STIMATE: variants seen among roughly 807,000 people sequenced by gnomAD.
The protein encoded by STIMATE is STIM activating enhancer, also known as store-operated calcium entry regulator STIMATE.
Under a neutral mutation model 36.7 loss-of-function variants are expected in STIMATE, and 15 were observed. The observed-to-expected ratio is 0.41, with a 90% confidence interval of 0.27 to 0.63. The LOEUF (loss-of-function observed/expected upper bound fraction) is 0.63. STIMATE is among the 20% of genes least tolerant of loss of function. The probability of loss-of-function intolerance (pLI) is 0.32; values close to 1 mark genes in which losing one functional copy is unlikely to be tolerated. For missense variants in STIMATE, 305 were observed against 397.3 expected (o/e 0.77, Z 1.98); for synonymous variants, 163 against 162.3 (o/e 1.00, Z -0.03).
At position 52,849,748 on chromosome 3, in the gene STIMATE, C is replaced by G. The variant is rs1187610485; in HGVS notation, c.427+44G>C. ...CGCATGGGGCAAGGAGCAGAGACCT[C>G]CAGCAGTTCCCTCACGCCCTGTCCG... On this transcript the variant is annotated intron_variant, in intron 4 of 7. Coordinates refer to ENST00000355083, the MANE Select transcript of STIMATE (RefSeq NM_198563.5). The G allele has an allele frequency of 5.0e-6, 8 of 1,588,124 alleles. No homozygotes were observed. In the South Asian group the frequency reaches 7.8e-5, roughly 16 times the overall value.
chr3:52,877,159 C>T (rs1701513952), intron 1 of STIMATE, among the ~76,000 whole-genome samples: 1 of 152,256 alleles, frequency 6.6e-6, no homozygotes, highest in African/African-American at 2.4e-5. Context: ...CTCTTTAACA[C>T]AGCTCACGCT....
intron 1 of STIMATE, among the ~76,000 whole-genome samples, chr3:52,885,456 G>A (rs1474702116): frequency 6.6e-6 from 1 of 152,162 alleles, no homozygotes; most frequent in Non-Finnish European, 1.5e-5. Context: ...AAGGCATGAT[G>A]ACTCTTTTGA....
At chr3:52,869,809 C>T (rs909942342) in intron 1 of STIMATE, among the ~76,000 whole-genome samples, 2 of 152,216 alleles carry the variant, frequency 1.3e-5, no homozygotes, top group Non-Finnish European at 2.9e-5. Context: ...CGAGTATGAG[C>T]TCTGGGTTCA....
chr3:52,897,481 CAGGGCCCG>C lies in STIMATE; in HGVS notation c.-39_-32del. 4 of 1,220,234 alleles carry C rather than the reference CAGGGCCCG, an allele frequency of 3.3e-6. No homozygotes were observed. The highest frequency in any genetic ancestry group is 4.1e-6 in the Non-Finnish European group (4 of 981,466). The allele number at this position is 1,220,234 out of a possible 1,614,324, so 75.6% of individuals were successfully genotyped here. On this transcript the variant is annotated 5_prime_UTR_variant, in exon 1 of 8. Transcript: ENST00000355083. The stretch of plus-strand genomic sequence containing the variant: ...GCCTCGCGGGAGGGGCGCGAGGGCC[CAGGGCCCG>C]CCCGGCCTCGCTGCCTGCCGGCGCA...
At chr3:52,890,489 T>C (rs1253974233) in intron 1 of STIMATE, among the ~76,000 whole-genome samples, 1 of 152,254 alleles carries the variant, frequency 6.6e-6, no homozygotes, top group Non-Finnish European at 1.5e-5. Flanking sequence ...TGAGAGATTC[T>C]ACTGGCATTT....
At chr3:52,846,361 T>C (rs1019655109) in intron 4 of STIMATE, 6 of 152,238 alleles carry the variant, frequency 3.9e-5, no homozygotes, top group African/African-American at 1.4e-4. Flanking sequence ...TCGAGAACAG[T>C]TCTCAAAACA....
intron 4 of STIMATE, among the ~76,000 whole-genome samples, chr3:52,849,276 T>C (rs1700958034): frequency 6.6e-6 from 1 of 152,166 alleles, no homozygotes; most frequent in Admixed American, 6.5e-5. Flanking sequence ...CAGAGGGCAG[T>C]GAGGGCCTGA....
chr3:52,840,360 G>A lies in STIMATE; in HGVS notation c.*134C>T, dbSNP rs1159441867. 1 of 1,047,886 alleles carries A rather than the reference G, an allele frequency of 9.5e-7. No individual in the cohort carries two copies. Among genetic ancestry groups the A allele is most frequent in the Non-Finnish European group, 1.4e-6 (1 of 725,012 alleles). The allele number at this position is 1,047,886 out of a possible 1,614,324, so 64.9% of individuals were successfully genotyped here. A position where few individuals can be genotyped will look rare whatever the true frequency, so the allele number is the denominator to read the frequency against. ...GTCACAGTAGTCTGGGGGCAGGCGA[G>A]AGCGGGCAGAGACAGCAAGAGGAGC... On this transcript the variant is annotated 3_prime_UTR_variant, in exon 8 of 8. Coordinates refer to ENST00000355083, the MANE Select transcript of STIMATE (RefSeq NM_198563.5).
chr3:52,857,391 T>TGC (rs1361119050), intron 1 of STIMATE, among the ~76,000 whole-genome samples: 1 of 152,130 alleles, frequency 6.6e-6, no homozygotes, highest in African/African-American at 2.4e-5. Flanking sequence ...CCCTTAAGCA[T>TGC]GCCAGGTCTC....
chr3:52,879,030 G>A (rs1701559365), intron 1 of STIMATE, among the ~76,000 whole-genome samples: 1 of 152,180 alleles, frequency 6.6e-6, no homozygotes, highest in East Asian at 1.9e-4. Flanking sequence ...CTTTACCTTA[G>A]AATTTTATTG....
At chr3:52,846,957 G>A (rs1700918485) in intron 4 of STIMATE, among the ~76,000 whole-genome samples, 2 of 152,168 alleles carry the variant, frequency 1.3e-5, no homozygotes, top group Admixed American at 6.5e-5. Context: ...AGACTAGAGT[G>A]CAGGGGCATG....
chr3:52,876,926 C>G (rs1701511000), intron 1 of STIMATE, among the ~76,000 whole-genome samples: 1 of 152,178 alleles, frequency 6.6e-6, no homozygotes, highest in African/African-American at 2.4e-5. Flanking sequence ...GGTGGAAAAA[C>G]AATTCAAGAA....
intron 1 of STIMATE, among the ~76,000 whole-genome samples, chr3:52,881,478 G>A (rs1701604193): frequency 6.6e-6 from 1 of 152,092 alleles, no homozygotes; most frequent in African/African-American, 2.4e-5. Context: ...GCCAAGGCGG[G>A]CGGATCATGA....
Position 52,839,066 on chromosome 3 carries a change from C to T in STIMATE, c.*1428G>A, listed in dbSNP as rs1700753925. 6.6e-6 allele frequency: 1 copy of T among 152,182 alleles called. No homozygotes were observed. The highest frequency in any genetic ancestry group is 2.4e-5 in the African/African-American group (1 of 41,440). 9.4% of individuals were successfully genotyped at this position (152,182 alleles called of 1,614,324 possible). A position where few individuals can be genotyped will look rare whatever the true frequency, so the allele number is the denominator to read the frequency against. On this transcript the variant is annotated 3_prime_UTR_variant, in exon 8 of 8. Coordinates refer to ENST00000355083, the MANE Select transcript of STIMATE (RefSeq NM_198563.5). ...GGCTGGGGTCAGCCCATTCCACAGTCACTCAGCAAACTCCCAAAACCACAG... is the reference window on the plus strand; with the variant it reads ...GGCTGGGGTCAGCCCATTCCACAGTTACTCAGCAAACTCCCAAAACCACAG...
chr3:52,851,504 TC>T (rs1432027868), intron 3 of STIMATE, among the ~76,000 whole-genome samples: 4 of 152,322 alleles, frequency 2.6e-5, no homozygotes, highest in East Asian at 1.9e-4. Flanking sequence ...CTAGGGTAGG[TC>T]AGCAGGAAAA....
At chr3:52,842,478 T>C (rs1480258898) in intron 7 of STIMATE, among the ~76,000 whole-genome samples, 1 of 152,220 alleles carries the variant, frequency 6.6e-6, no homozygotes, top group Non-Finnish European at 1.5e-5. Context: ...GATCAACCAT[T>C]AGGCCCATGA....
chr3:52,885,189 A>C (rs1701670536), intron 1 of STIMATE, among the ~76,000 whole-genome samples: 2 of 152,098 alleles, frequency 1.3e-5, no homozygotes, highest in African/African-American at 4.8e-5. Flanking sequence ...GCATCTTTTC[A>C]TGTGCTCATT....
chr3:52,893,593 C>A (rs1412953161), intron 1 of STIMATE, among the ~76,000 whole-genome samples: 1 of 152,140 alleles, frequency 6.6e-6, no homozygotes, highest in Non-Finnish European at 1.5e-5. Flanking sequence ...GGCCGGTTTA[C>A]CACGGAGAAA....
In STIMATE at chr3:52,849,861, C is replaced by A. The variant is rs747879938; in HGVS notation, c.358G>T (p.Val120Leu). Reference protein sequence around the residue: ...DATVGMLLIYVGVRAVSVLVE... With the variant: ...DATVGMLLIYLGVRAVSVLVE... ...AGGACGCTGACGGCGCGCACCCCCA[C>A]GTAGATGAGCAGCATGCCCACAGTG... is the stretch of plus-strand genomic sequence containing the variant. Residue 120 changes from valine to leucine, a missense_variant, in exon 4 of 8, where the codon GTG becomes TTG. Coordinates refer to ENST00000355083, the MANE Select transcript of STIMATE (RefSeq NM_198563.5). The A allele has an allele frequency of 6.2e-7, 1 of 1,613,826 alleles. No individual in the cohort carries two copies. Among genetic ancestry groups the A allele is most frequent in the South Asian group, 1.1e-5 (1 of 91,070 alleles).
Sources: gnomAD v4.1 joint callset for allele counts (sites outside exome capture counted in the v4.1 genomes callset) on GRCh38, gnomAD v4.1.1 for gene constraint, MANE v1.5 for transcripts, NCBI Gene and HGNC (gene_info 2026-07-23, HGNC 2026-07-21) for gene names.